ZNF569: variants seen among roughly 807,000 people sequenced by gnomAD.
The protein encoded by ZNF569 is DNA-binding protein.
ZNF569 carries 38 observed loss-of-function variants against 56.3 expected under a neutral mutation model. That is an observed-to-expected ratio of 0.68 (90% CI 0.52 to 0.88). The LOEUF is 0.88. Ranked by LOEUF, ZNF569 falls within the 40% of genes least tolerant of loss-of-function variation. The pLI is 0.00. For synonymous variants in ZNF569, 241 were observed against 262.9 expected (o/e 0.92, Z 0.81); for missense variants, 666 against 809.2 (o/e 0.82, Z 2.15).
chr19:37,467,859 T>C (rs1283100554), upstream of ZNF569: 1 of 1,535,824 alleles, frequency 6.5e-7, no homozygotes, highest in Non-Finnish European at 8.7e-7. Flanking sequence ...TCGTGGCTGT[T>C]TGATTCTGAC....
upstream of ZNF569, chr19:37,469,218 C>G: frequency 7.6e-7 from 1 of 1,315,934 alleles, no homozygotes; most frequent in Non-Finnish European, 9.7e-7. Context: ...GTTACAAACC[C>G]TGCGCGGAGC....
rs957598971 is a variant in ZNF569, at chr19:37,412,400, G to C, written c.*197C>G. On this transcript the variant is annotated 3_prime_UTR_variant, in exon 6 of 6. Transcript: ENST00000316950. ...AAATATTATCAATAAGATGTCTGCTGAAAGTTTCTGGTAACAGCTTTTTCA... is the reference window on the plus strand; with the variant it reads ...AAATATTATCAATAAGATGTCTGCTCAAAGTTTCTGGTAACAGCTTTTTCA... 23 of 946,968 alleles carry C rather than the reference G, an allele frequency of 2.4e-5. No individual in the cohort carries two copies. Among genetic ancestry groups the C allele is most frequent in the Middle Eastern group, 3.5e-4 (1 of 2,844 alleles). The allele number at this position is 946,968 out of a possible 1,614,324, so 58.7% of individuals were successfully genotyped here.
chr19:37,468,733 C>T (rs1240117824), upstream of ZNF569, among the ~76,000 whole-genome samples: 2 of 152,184 alleles, frequency 1.3e-5, no homozygotes, highest in Non-Finnish European at 2.9e-5. Context: ...GTCTCGAACT[C>T]CTGACCTCGT....
chr19:37,427,286 C>T (rs571744317), intron 3 of ZNF569, among the ~76,000 whole-genome samples: 1 of 151,728 alleles, frequency 6.6e-6, no homozygotes, highest in Admixed American at 6.6e-5. Flanking sequence ...CACTACACTC[C>T]AGCCTGGGTG....
At chr19:37,427,102 G>C (rs1224547106) in intron 3 of ZNF569, among the ~76,000 whole-genome samples, 1 of 152,016 alleles carries the variant, frequency 6.6e-6, no homozygotes, top group Non-Finnish European at 1.5e-5. Flanking sequence ...AAAATCCCTT[G>C]AGCCCAGGAG....
At chr19:37,435,572 C>T (rs367722773) in intron 3 of ZNF569, among the ~76,000 whole-genome samples, 5 of 152,014 alleles carry the variant, frequency 3.3e-5, no homozygotes, top group African/African-American at 1.2e-4. Context: ...AGCAAACAAA[C>T]AAACAAAAAA....
intron 5 of ZNF569, among the ~76,000 whole-genome samples, chr19:37,422,750 T>C (rs993152962): frequency 2.6e-5 from 4 of 152,082 alleles, no homozygotes; most frequent in African/African-American, 9.7e-5. Context: ...AAAACCACCA[T>C]TGAAATGAAG....
Position 37,426,385 on chromosome 19 carries a change from C to T in ZNF569, c.16-7G>A, listed in dbSNP as rs1192719782. ...CTTTGAATGTTACTGTTCCCTGTAA[C>T]AACACACTCCCACTCAATCTGAAGT... On this transcript the variant is annotated splice_region_variant and splice_polypyrimidine_tract_variant and intron_variant, in intron 3 of 5. Transcript: ENST00000316950. 1.3e-6 allele frequency: 2 copies of T among 1,596,548 alleles called. No individual in the cohort carries two copies. The highest frequency in any genetic ancestry group is 1.3e-5 in the African/African-American group (1 of 74,208).
chr19:37,427,831 T>C (rs1202238849), intron 3 of ZNF569: 1 of 516,188 alleles, frequency 1.9e-6, no homozygotes, highest in South Asian at 1.4e-5. Flanking sequence ...GATAAAGCAT[T>C]TGGTGAGGAA....
At chr19:37,453,075 TTTA>T (rs1179519894) in intron 2 of ZNF569, among the ~76,000 whole-genome samples, 1 of 152,202 alleles carries the variant, frequency 6.6e-6, no homozygotes, top group African/African-American at 2.4e-5. Flanking sequence ...TTTCTTCTGC[TTTA>T]TTTAGTCTGA....
At chr19:37,416,274 A>C (rs991134875) in intron 5 of ZNF569, among the ~76,000 whole-genome samples, 1 of 151,976 alleles carries the variant, frequency 6.6e-6, no homozygotes, top group East Asian at 1.9e-4. Context: ...AACAAAAAAA[A>C]AAAACAGGAA....
intron 3 of ZNF569, among the ~76,000 whole-genome samples, chr19:37,433,435 C>G (rs188925281): frequency 6.6e-6 from 1 of 152,110 alleles, no homozygotes; most frequent in African/African-American, 2.4e-5. Context: ...AAAGTTTATT[C>G]GATGGGATAA....
At chr19:37,437,641 A>T (rs2041333424) in intron 3 of ZNF569, among the ~76,000 whole-genome samples, 6 of 152,262 alleles carry the variant, frequency 3.9e-5, no homozygotes, top group Admixed American at 6.5e-5. Context: ...GTTGCAGGAT[A>T]CAAAATCAAC....
intron 2 of ZNF569, among the ~76,000 whole-genome samples, chr19:37,446,729 G>A (rs774826858): frequency 2.6e-5 from 4 of 151,824 alleles, no homozygotes; most frequent in Admixed American, 1.3e-4. Flanking sequence ...ACCAAGAACC[G>A]AAAAGCAAAC....
At chr19:37,429,440 C>T (rs1378178151) in intron 3 of ZNF569, among the ~76,000 whole-genome samples, 1 of 152,244 alleles carries the variant, frequency 6.6e-6, no homozygotes, top group African/African-American at 2.4e-5. Context: ...ATATGAGAGA[C>T]AAATAAACTT....
In ZNF569 at chr19:37,446,567, A is replaced by AAAAAAAAAAAAAAAAG. The variant is rs1555839149; in HGVS notation, c.-43-1604_-43-1603insCTTTTTTTTTTTTTTT. 4.3e-5 allele frequency among the ~76,000 whole-genome samples: 6 copies of AAAAAAAAAAAAAAAAG among 141,000 alleles called. 1 individual carries two copies. Among genetic ancestry groups the AAAAAAAAAAAAAAAAG allele is most frequent in the African/African-American group, 8.3e-5 (3 of 36,334 alleles). 92.5% of individuals were successfully genotyped at this position (141,000 alleles called of 152,430 possible). A position where few individuals can be genotyped will look rare whatever the true frequency, so the allele number is the denominator to read the frequency against. ...TCCATCTCAAAAAAAAAAAAAAAAA[A>AAAAAAAAAAAAAAAAG]AAGAATGAAACTGGATCCTTATCTC... On this transcript the variant is annotated intron_variant, in intron 2 of 5. Transcript: ENST00000316950.
intron 3 of ZNF569, among the ~76,000 whole-genome samples, chr19:37,432,539 A>G (rs2041242962): frequency 6.6e-6 from 1 of 152,248 alleles, no homozygotes; most frequent in Non-Finnish European, 1.5e-5. Context: ...ATACCTGGAA[A>G]GTCTTGCCAA....
intron 2 of ZNF569, among the ~76,000 whole-genome samples, chr19:37,451,157 T>C (rs899216757): frequency 6.6e-6 from 1 of 152,086 alleles, no homozygotes; most frequent in Non-Finnish European, 1.5e-5. Flanking sequence ...CCCAGCACTT[T>C]GGGAGGCTGA....
intron 3 of ZNF569, among the ~76,000 whole-genome samples, chr19:37,438,641 T>C (rs1480171952): frequency 1.3e-5 from 2 of 152,142 alleles, no homozygotes; most frequent in African/African-American, 2.4e-5. Context: ...CCTCAAACTA[T>C]GAAACGACTA....
Sources: gnomAD v4.1 joint callset for allele counts (sites outside exome capture counted in the v4.1 genomes callset) on GRCh38, gnomAD v4.1.1 for gene constraint, MANE v1.5 for transcripts, NCBI Gene and HGNC (gene_info 2026-07-23, HGNC 2026-07-21) for gene names.